RXFP1: variants seen among roughly 807,000 people sequenced by gnomAD.
RXFP1 encodes relaxin receptor 1.
In RXFP1, 73 loss-of-function variants were observed where a neutral mutation model predicts 89.8. The observed-to-expected ratio is 0.81, with a 90% CI of 0.67 to 0.99. RXFP1 has a LOEUF of 0.99. Among genes scored for constraint, RXFP1 ranks in the 50% least tolerant of loss-of-function variants. RXFP1 has a pLI of 0.00. For missense variants in RXFP1, 793 were observed against 895.5 expected, an observed-to-expected ratio of 0.89 and a Z score of 1.46; for synonymous variants, 277 against 305.5, an observed-to-expected ratio of 0.91 and a Z score of 0.97.
intron 1 of RXFP1, among the ~76,000 whole-genome samples, chr4:158,563,872 T>C (rs1350220293): frequency 6.7e-6 from 1 of 148,356 alleles, no homozygotes; most frequent in Non-Finnish European, 1.5e-5. Context: ...TAATGTTATA[T>C]ATAATATAAT....
At chr4:158,529,260 TTGTTG>T (rs749084487) in intron 1 of RXFP1, among the ~76,000 whole-genome samples, 29,899 of 150,880 alleles carry the variant, frequency 0.2, 3,901 homozygotes, top group African/African-American at 0.35. Flanking sequence ...GTTGTTGTTG[TTGTTG>T]TTGTTGTTTA....
chr4:158,617,188 G>A lies in RXFP1; in HGVS notation c.738G>A (p.Met246Ile), dbSNP rs200406248. ...CTGATAAACCTCTCTGTCAACACAT[G>A]CCAAGACTACATTGGCTGTAAGCGA... is the stretch of plus-strand genomic sequence containing the variant. ...RLPDKPLCQH[M>I]PRLHWLDLEG... Residue 246 changes from methionine (M) to isoleucine (I), a missense_variant, in exon 9 of 18, where the codon ATG becomes ATA. Coordinates refer to ENST00000307765, the MANE Select transcript of RXFP1 (RefSeq NM_021634.4). 2.3e-4 allele frequency: 367 copies of A among 1,609,596 alleles called. No individual in the cohort carries two copies. The highest frequency in any genetic ancestry group is 2.9e-4 in the Non-Finnish European group (342 of 1,177,522).
chr4:158,636,243 C>T (rs11942408), intron 12 of RXFP1, among the ~76,000 whole-genome samples: 5,500 of 152,178 alleles, frequency 0.036, 309 homozygotes, highest in African/African-American at 0.12. Context: ...TAAAATATAA[C>T]AATAAATTCC....
In RXFP1 at chr4:158,592,470, A is replaced by T. The variant is rs2150065771; in HGVS notation, c.188-931A>T. ...GTGCCTGGAATCCTAGCTACTCGGG[A>T]GGCTGAGGCAGGAGAATCACTTGAG... On this transcript the variant is annotated intron_variant, in intron 2 of 17. Coordinates refer to ENST00000307765, the MANE Select transcript of RXFP1 (RefSeq NM_021634.4). Among the ~76,000 whole-genome samples, 3 of 152,266 alleles carry T rather than the reference A, an allele frequency of 2.0e-5. No individual in the cohort carries two copies. In the East Asian group the frequency reaches 5.8e-4, roughly 29 times the overall value.
At chr4:158,615,173 T>A (rs1764313862) in intron 8 of RXFP1, among the ~76,000 whole-genome samples, 1 of 152,248 alleles carries the variant, frequency 6.6e-6, no homozygotes, top group South Asian at 2.1e-4. Context: ...TAAAAAGGCC[T>A]GAGGAGAGAG....
intron 11 of RXFP1, among the ~76,000 whole-genome samples, chr4:158,632,463 TA>T (rs1042567223): frequency 6.6e-6 from 1 of 152,204 alleles, no homozygotes; most frequent in African/African-American, 2.4e-5. Flanking sequence ...TTTCCCTTAG[TA>T]TCTCTTGATC....
At chr4:158,578,402 A>T (rs1412227006) in intron 2 of RXFP1, among the ~76,000 whole-genome samples, 1 of 152,246 alleles carries the variant, frequency 6.6e-6, no homozygotes, top group Non-Finnish European at 1.5e-5. Flanking sequence ...TAGAACTATG[A>T]TACCTGAGAG....
intron 1 of RXFP1, among the ~76,000 whole-genome samples, chr4:158,551,287 G>A (rs965750614): frequency 2.6e-5 from 4 of 152,150 alleles, no homozygotes; most frequent in Non-Finnish European, 5.9e-5. Flanking sequence ...GTAGAGAGTC[G>A]AGTGGGGAGT....
chr4:158,562,523 CAAAAAAAAA>C (rs55944906), intron 1 of RXFP1, among the ~76,000 whole-genome samples: 43 of 25,346 alleles, frequency 1.7e-3, no homozygotes, highest in South Asian at 9.6e-3. Flanking sequence ...GACTCCGTCT[CAAAAAAAAA>C]AAAAAAAAAA....
intron 1 of RXFP1, among the ~76,000 whole-genome samples, chr4:158,568,807 GTTA>G (rs1320762820): frequency 6.6e-6 from 1 of 152,138 alleles, no homozygotes; most frequent in Non-Finnish European, 1.5e-5. Flanking sequence ...TAATTGCCCT[GTTA>G]TTAAGAAGTC....
At chr4:158,548,261 T>C (rs1247302466) in intron 1 of RXFP1, among the ~76,000 whole-genome samples, 1 of 152,216 alleles carries the variant, frequency 6.6e-6, no homozygotes, top group Non-Finnish European at 1.5e-5. Flanking sequence ...TATCAGAGAC[T>C]AGGATTGCAA....
At chr4:158,578,332 A>ATTTTTT (rs1756667474) in intron 2 of RXFP1, among the ~76,000 whole-genome samples, 1 of 152,244 alleles carries the variant, frequency 6.6e-6, no homozygotes, top group Admixed American at 6.5e-5. Context: ...TTAAGTCATC[A>ATTTTTT]GAGCAGTGTT....
intron 1 of RXFP1, among the ~76,000 whole-genome samples, chr4:158,549,355 A>AT (rs1442920432): frequency 1.3e-5 from 2 of 151,360 alleles, no homozygotes; most frequent in African/African-American, 2.4e-5. Context: ...CATTCATCTA[A>AT]TTTTTTTTCA....
intron 1 of RXFP1, among the ~76,000 whole-genome samples, chr4:158,524,005 C>A (rs944875103): frequency 1.3e-5 from 2 of 152,122 alleles, no homozygotes; most frequent in Non-Finnish European, 2.9e-5. Context: ...TACCATGTAC[C>A]GGTTCTGTGG....
chr4:158,601,212 C>T (rs1291436660), intron 4 of RXFP1, among the ~76,000 whole-genome samples: 2 of 151,648 alleles, frequency 1.3e-5, no homozygotes, highest in African/African-American at 4.8e-5. Flanking sequence ...AGTTTTCAAC[C>T]CCTGGTATAA....
At chr4:158,616,438 TAAATAAATAAATAA>T (rs1764581555) in intron 8 of RXFP1, among the ~76,000 whole-genome samples, 1 of 150,216 alleles carries the variant, frequency 6.7e-6, no homozygotes, top group Non-Finnish European at 1.5e-5. Flanking sequence ...TCAAACGAAA[TAAATAAATAAATAA>T]ATAAAAATAA....
chr4:158,620,107 A>G (rs1172721787), intron 9 of RXFP1, among the ~76,000 whole-genome samples: 1 of 152,240 alleles, frequency 6.6e-6, no homozygotes. Context: ...TAGTGGAAAG[A>G]TGGATAATAT....
intron 2 of RXFP1, among the ~76,000 whole-genome samples, chr4:158,592,433 G>T (rs1196216883): frequency 3.3e-5 from 5 of 151,954 alleles, no homozygotes; most frequent in African/African-American, 1.2e-4. Flanking sequence ...AATTTGCTAG[G>T]CGTGGTGGCG....
chr4:158,640,514 G>T (rs1770162003), intron 14 of RXFP1, among the ~76,000 whole-genome samples: 1 of 152,154 alleles, frequency 6.6e-6, no homozygotes, highest in African/African-American at 2.4e-5. Flanking sequence ...GAGAGAGAAA[G>T]CCAGAGAGAG....
Sources: gnomAD v4.1 joint callset for allele counts (sites outside exome capture counted in the v4.1 genomes callset) on GRCh38, gnomAD v4.1.1 for gene constraint, MANE v1.5 for transcripts, NCBI Gene and HGNC (gene_info 2026-07-23, HGNC 2026-07-21) for gene names.